Variants in BRWD3 observed in about 807,000 individuals in gnomAD.
The protein encoded by BRWD3 is bromodomain and WD repeat-containing protein 3.
Under a neutral mutation model 149.7 loss-of-function variants are expected in BRWD3, and 10 were observed. That is an observed-to-expected ratio of 0.07 (90% CI 0.04 to 0.11). The LOEUF (loss-of-function observed/expected upper bound fraction) is 0.11, where lower values mean the gene tolerates loss of function less well. Ranked by LOEUF, BRWD3 falls within the 10% of genes least tolerant of loss-of-function variation. The pLI is 1.00. For synonymous variants in BRWD3, 504 were observed against 456.7 expected, an observed-to-expected ratio of 1.10 and a Z score of -1.32; for missense variants, 940 against 1,373.2, an observed-to-expected ratio of 0.68 and a Z score of 4.99.
intron 22 of BRWD3, 38 bp from the exon 23 acceptor site, chrX:80,704,884 A>G (rs372083982): frequency 9.0e-7 from 1 of 1,114,369 alleles, no homozygotes; most frequent in Non-Finnish European, 1.2e-6. Context: ...CTAAGTATAG[A>G]AAAGGAGTAG....
At chrX:80,799,918 A>C (rs1372516300) in intron 4 of BRWD3, among the ~76,000 whole-genome samples, 1 of 111,629 alleles carries the variant, frequency 9.0e-6, no homozygotes, top group African/African-American at 3.3e-5. Flanking sequence ...TCATTCAGCC[A>C]TTTAAAGTAT....
chrX:80,791,755 T>A (rs1308822910), intron 6 of BRWD3, 99 bp downstream of exon 6: 1 of 608,041 alleles, frequency 1.6e-6, no homozygotes, highest in African/African-American at 2.2e-5. Context: ...AGTTTGTTTA[T>A]GCTTCCAATT....
intron 6 of BRWD3, among the ~76,000 whole-genome samples, chrX:80,776,933 A>G (rs999645214): frequency 1.8e-5 from 2 of 111,281 alleles, no homozygotes; most frequent in Non-Finnish European, 3.8e-5. Flanking sequence ...AAACTTTACA[A>G]AAAGTACTTC....
chrX:80,769,396 C>A lies in BRWD3; in HGVS notation c.430+22458G>T, dbSNP rs960277132. 4.5e-5 allele frequency among the ~76,000 whole-genome samples: 5 copies of A among 111,940 alleles called. No individual in the cohort carries two copies. The East Asian group carries it at 1.4e-3, about 31-fold the overall frequency. ...ACACAAATTATAACAAACTGTCTCT[C>A]AGACCACAGTGCAATCAAACTACAA... On this transcript the variant is annotated intron_variant, in intron 6 of 40. Transcript: ENST00000373275.
At chrX:80,794,148 C>T (rs779815152) in intron 4 of BRWD3, among the ~76,000 whole-genome samples, 1 of 110,025 alleles carries the variant, frequency 9.1e-6, no homozygotes, top group African/African-American at 3.3e-5. Context: ...ACTGTACTCC[C>T]GTCTGGGCAA....
chrX:80,678,251 C>A, intron 40 of BRWD3, among the ~76,000 whole-genome samples: 1 of 111,636 alleles, frequency 9.0e-6, no homozygotes, highest in East Asian at 2.8e-4. Context: ...TCTAGAGAAA[C>A]CTTTAATTTC....
At chrX:80,690,883 G>A in intron 31 of BRWD3, among the ~76,000 whole-genome samples, 170 bp downstream of exon 31, 1 of 111,335 alleles carries the variant, frequency 9.0e-6, no homozygotes, top group Non-Finnish European at 1.9e-5. Flanking sequence ...CTATCCCCAA[G>A]AGTGAGAATC....
chrX:80,800,444 GT>G (rs2074281066), intron 4 of BRWD3, among the ~76,000 whole-genome samples: 2 of 105,926 alleles, frequency 1.9e-5, no homozygotes, highest in African/African-American at 6.9e-5. Flanking sequence ...AGAGGCTGAG[GT>G]GGGAGGATTG....
At chrX:80,733,217 A>T (rs959314182) in intron 12 of BRWD3, 24 of 315,275 alleles carry the variant, frequency 7.6e-5, no homozygotes, top group Non-Finnish European at 9.4e-5. Flanking sequence ...TGCTAACAGA[A>T]ATAGAGCAAA....
At chrX:80,713,608 T>A (rs2073028418) in intron 20 of BRWD3, among the ~76,000 whole-genome samples, 3 of 110,065 alleles carry the variant, frequency 2.7e-5, no homozygotes, top group South Asian at 4.0e-4. Flanking sequence ...TTCACTTGTT[T>A]ATCTGCTGAC....
chrX:80,755,288 G>T (rs201263688), intron 6 of BRWD3, among the ~76,000 whole-genome samples: 1 of 111,172 alleles, frequency 9.0e-6, no homozygotes, highest in East Asian at 2.8e-4. Context: ...AAACTAATGA[G>T]CTATAAGAAC....
chrX:80,678,857 C>T (rs2072405646), intron 40 of BRWD3, among the ~76,000 whole-genome samples: 1 of 111,198 alleles, frequency 9.0e-6, no homozygotes, highest in African/African-American at 3.3e-5. Flanking sequence ...CCCTAATCCC[C>T]GAAGTGACTG....
At chrX:80,717,476 A>T in intron 19 of BRWD3, 97 bp downstream of exon 19, 1 of 873,456 alleles carries the variant, frequency 1.1e-6, no homozygotes, top group East Asian at 3.1e-5. Flanking sequence ...ACTATATTTT[A>T]AAATTCCTCA....
At chrX:80,760,574 T>C (rs370152001) in intron 6 of BRWD3, among the ~76,000 whole-genome samples, 1 of 112,013 alleles carries the variant, frequency 8.9e-6, no homozygotes, top group East Asian at 2.8e-4. Context: ...TGGAATATTA[T>C]TCACATATTT....
At chrX:80,803,196 C>A (rs960773873) in intron 4 of BRWD3, among the ~76,000 whole-genome samples, 2 of 110,537 alleles carry the variant, frequency 1.8e-5, no homozygotes, top group Admixed American at 9.6e-5. Context: ...TACCATTTTG[C>A]TGCCTACCAA....
chrX:80,787,615 A>G, intron 6 of BRWD3, among the ~76,000 whole-genome samples: 1 of 111,076 alleles, frequency 9.0e-6, no homozygotes, highest in African/African-American at 3.3e-5. Flanking sequence ...CACACACCTG[A>G]TATAAAAATT....
chrX:80,691,828 G>A lies in BRWD3; in HGVS notation c.3476C>T (p.Ser1159Phe), dbSNP rs1419089346. 4 of 1,207,672 alleles carry A rather than the reference G, an allele frequency of 3.3e-6. No individual in the cohort carries two copies. Among genetic ancestry groups the A allele is most frequent in the African/African-American group, 3.5e-5 (2 of 56,477 alleles). ...RVIQGINHLL[S>F]LDFASPFAVP... ...TTTTTTCACATTCATCATACCCAGG[G>A]AAAGAAGGTGGTTGATGCCCTGAAT... The change falls in exon 30 of 41, where the codon TCC (serine) becomes TTC (phenylalanine). Residue 1159 changes from serine (S) to phenylalanine (F), a missense_variant. Transcript: ENST00000373275.
Position 80,709,415 on chromosome X carries a change from GTA to G in BRWD3, c.2475+11_2475+12del. 8.4e-7 allele frequency: 1 copy of G among 1,194,614 alleles called. No individual in the cohort carries two copies. Among genetic ancestry groups the G allele is most frequent in the Non-Finnish European group, 1.1e-6 (1 of 882,743 alleles). On this transcript the variant is annotated intron_variant, in intron 21 of 40. Transcript: ENST00000373275. ...AAAAAACTACATCAAATAAATAATA[GTA>G]TATATATAACCTCTGAAGAACTGTC...
chrX:80,809,495 G>A lies in BRWD3; in HGVS notation c.-24C>T, dbSNP rs1384615938. The A allele has an allele frequency of 5.4e-6, 6 of 1,117,458 alleles. No homozygotes were observed. The highest frequency in any genetic ancestry group is 3.6e-5 in the African/African-American group (2 of 55,209). 92.1% of individuals were successfully genotyped at this position (1,117,458 alleles called of 1,213,427 possible). A position where few individuals can be genotyped will look rare whatever the true frequency, so the allele number is the denominator to read the frequency against. ...ATCCTTTTCCCGAGGGGGTTTGGGG[G>A]CTTCGCTCCGGAGGGGCTGGCGGGG... On this transcript the variant is annotated 5_prime_UTR_variant, in exon 1 of 41. Coordinates refer to ENST00000373275, the MANE Select transcript of BRWD3 (RefSeq NM_153252.5).
Sources: allele counts gnomAD v4.1 joint callset (sites outside exome capture counted in the v4.1 genomes callset), GRCh38; gene constraint gnomAD v4.1.1; transcripts MANE v1.5; gene names NCBI Gene and HGNC (gene_info 2026-07-23, HGNC 2026-07-21).